CNTNAP4: variants seen among roughly 807,000 people sequenced by gnomAD.
The protein encoded by CNTNAP4 is contactin associated protein family member 4, also known as contactin-associated protein-like 4.
CNTNAP4 carries 98 observed loss-of-function variants against 148.4 expected under a neutral mutation model. That is an observed-to-expected ratio of 0.66 (90% CI 0.56 to 0.78). CNTNAP4 has a LOEUF of 0.78. CNTNAP4 is among the 30% of genes least tolerant of loss of function. The probability of loss-of-function intolerance (pLI) is 0.00; values close to 1 mark genes in which losing one functional copy is unlikely to be tolerated. For synonymous variants in CNTNAP4, 730 were observed against 565.1 expected (o/e 1.29, Z -4.14); for missense variants, 1,935 against 1,565.6 (o/e 1.24, Z -3.98).
intron 4 of CNTNAP4, among the ~76,000 whole-genome samples, chr16:76,442,442 CAG>C (rs1207523002): frequency 2.0e-5 from 3 of 152,078 alleles, no homozygotes; most frequent in African/African-American, 7.2e-5. Context: ...GTTGCTATAA[CAG>C]AATATCTGAG....
chr16:76,328,480 G>A (rs934457636), intron 2 of CNTNAP4, among the ~76,000 whole-genome samples: 109 of 152,106 alleles, frequency 7.2e-4, no homozygotes, highest in African/African-American at 2.5e-3. Context: ...ATGACTAAAC[G>A]CAACAACATG....
intron 1 of CNTNAP4, among the ~76,000 whole-genome samples, chr16:76,302,934 G>C (rs137976454): frequency 3.3e-4 from 50 of 152,236 alleles, no homozygotes; most frequent in African/African-American, 1.1e-3. Context: ...TAATAGTGAT[G>C]GGTCCCTGGT....
chr16:76,297,925 A>G (rs1959483591), intron 1 of CNTNAP4, among the ~76,000 whole-genome samples: 1 of 152,062 alleles, frequency 6.6e-6, no homozygotes. Context: ...CCTTTTCCTC[A>G]TCTACTCTTT....
At chr16:76,386,761 G>T (rs1303192026) in intron 3 of CNTNAP4, among the ~76,000 whole-genome samples, 1 of 152,108 alleles carries the variant, frequency 6.6e-6, no homozygotes, top group Admixed American at 6.6e-5. Context: ...GGCATATTGG[G>T]ATTGTAGATG....
intron 3 of CNTNAP4, among the ~76,000 whole-genome samples, chr16:76,395,609 A>T (rs918113353): frequency 1.9e-4 from 29 of 152,114 alleles, no homozygotes; most frequent in Admixed American, 1.9e-3. Context: ...ATTGGAAAAA[A>T]TAATATTTTA....
At chr16:76,520,882 T>C (rs571484280) in intron 15 of CNTNAP4, among the ~76,000 whole-genome samples, 1 of 152,326 alleles carries the variant, frequency 6.6e-6, no homozygotes, top group African/African-American at 2.4e-5. Context: ...GTATAAAATA[T>C]AACATTTAGA....
chr16:76,452,545 T>C lies in CNTNAP4; in HGVS notation c.1109T>C (p.Met370Thr). 3 of 1,614,036 alleles carry C rather than the reference T, an allele frequency of 1.9e-6. No individual in the cohort carries two copies. The highest frequency in any genetic ancestry group is 2.2e-5 in the South Asian group (2 of 91,076). ...VSFSCSQPQSMPVTFLSSRSY... is the reference protein window; with the variant it reads ...VSFSCSQPQSTPVTFLSSRSY... Reference sequence around the variant, plus strand: ...TTTTCTTGTTCACAACCACAATCTATGCCCGTGACTTTTCTGAGCTCCAGG... The same window carrying C: ...TTTTCTTGTTCACAACCACAATCTACGCCCGTGACTTTTCTGAGCTCCAGG... The change falls in exon 8 of 24, where the codon ATG becomes ACG. Residue 370 changes from methionine (M) to threonine (T), a missense_variant. Coordinates refer to ENST00000611870, the MANE Select transcript of CNTNAP4 (RefSeq NM_033401.5).
intron 3 of CNTNAP4, among the ~76,000 whole-genome samples, chr16:76,417,702 C>G (rs751536655): frequency 6.6e-6 from 1 of 151,570 alleles, no homozygotes. Flanking sequence ...ATCTTCCTTT[C>G]TCAATGTAGA....
intron 10 of CNTNAP4, among the ~76,000 whole-genome samples, chr16:76,474,973 G>A (rs575033563): frequency 1.3e-5 from 2 of 152,164 alleles, no homozygotes; most frequent in Admixed American, 6.5e-5. Context: ...TGTTGAACAC[G>A]GCACCGTTTC....
chr16:76,445,448 A>C (rs1597564487), intron 4 of CNTNAP4, among the ~76,000 whole-genome samples: 1 of 152,130 alleles, frequency 6.6e-6, no homozygotes, highest in Non-Finnish European at 1.5e-5. Context: ...GGGTCAAATA[A>C]AGTTTTATTG....
intron 17 of CNTNAP4, among the ~76,000 whole-genome samples, chr16:76,527,813 CTG>C (rs1234693164): frequency 2.0e-5 from 3 of 152,222 alleles, no homozygotes; most frequent in African/African-American, 4.8e-5. Flanking sequence ...TTTACTACCT[CTG>C]TGTTTCCTGT....
intron 2 of CNTNAP4, among the ~76,000 whole-genome samples, chr16:76,342,560 C>T (rs1462680532): frequency 1.4e-5 from 2 of 147,568 alleles, no homozygotes; most frequent in South Asian, 2.1e-4. Flanking sequence ...GCAAGCTCCA[C>T]CTCCGAGGTT....
intron 19 of CNTNAP4, among the ~76,000 whole-genome samples, chr16:76,538,816 G>GA (rs2084328576): frequency 6.6e-6 from 1 of 151,798 alleles, no homozygotes; most frequent in African/African-American, 2.4e-5. Flanking sequence ...ATCATCATGG[G>GA]AAAAAAATGT....
intron 1 of CNTNAP4, among the ~76,000 whole-genome samples, chr16:76,297,310 G>T (rs1260889843): frequency 6.6e-6 from 1 of 152,080 alleles, no homozygotes; most frequent in East Asian, 1.9e-4. Flanking sequence ...TGGGAATTTG[G>T]ATCCTAGCAA....
At chr16:76,467,056 G>T (rs1469847152) in intron 9 of CNTNAP4, among the ~76,000 whole-genome samples, 2 of 152,024 alleles carry the variant, frequency 1.3e-5, no homozygotes, top group Non-Finnish European at 2.9e-5. Context: ...TTGCTGGCTG[G>T]CATGTTTAGG....
intron 3 of CNTNAP4, among the ~76,000 whole-genome samples, chr16:76,384,162 G>A (rs999294928): frequency 6.6e-6 from 1 of 151,986 alleles, no homozygotes. Flanking sequence ...TCCTGCCTCA[G>A]CCTCCTGAGT....
At chr16:76,440,848 G>A (rs956580827) in intron 4 of CNTNAP4, among the ~76,000 whole-genome samples, 4 of 152,112 alleles carry the variant, frequency 2.6e-5, no homozygotes, top group African/African-American at 9.7e-5. Context: ...TTGGGGGTGA[G>A]GAGGACATTG....
At chr16:76,492,071 T>C (rs1225689778) in intron 13 of CNTNAP4, among the ~76,000 whole-genome samples, 1 of 152,140 alleles carries the variant, frequency 6.6e-6, no homozygotes, top group Non-Finnish European at 1.5e-5. Context: ...AAAGTTTAAC[T>C]CATAGAAACA....
rs932989214 is a variant in CNTNAP4, at chr16:76,444,058, C to G, written c.539-3954C>G. Reference sequence around the variant, plus strand: ...GTATTTGATTCATTAATGAAGGAATCAGAAGGATGGTAAAACTAGTTTCAA... The same window carrying G: ...GTATTTGATTCATTAATGAAGGAATGAGAAGGATGGTAAAACTAGTTTCAA... On this transcript the variant is annotated intron_variant, in intron 4 of 23. Transcript: ENST00000611870. Among the ~76,000 whole-genome samples, 4 of 152,026 alleles carry G rather than the reference C, an allele frequency of 2.6e-5. No individual in the cohort carries two copies. In the South Asian group the frequency reaches 6.2e-4, roughly 24 times the overall value.
Sources: allele counts gnomAD v4.1 joint callset (sites outside exome capture counted in the v4.1 genomes callset), GRCh38; gene constraint gnomAD v4.1.1; transcripts MANE v1.5; gene names NCBI Gene and HGNC (gene_info 2026-07-23, HGNC 2026-07-21).